TMEM154: variants seen among roughly 807,000 people sequenced by gnomAD.
TMEM154 encodes the protein transmembrane protein 154.
In TMEM154, 27 loss-of-function variants were observed where a neutral mutation model predicts 24.5. The ratio of observed to expected loss-of-function variants is 1.10; its 90% CI spans 0.81 to 1.52. The LOEUF is 1.52. Ranked by LOEUF, TMEM154 falls within the 40% of genes most tolerant of loss-of-function variation. The pLI is 0.00. For synonymous variants in TMEM154, 67 were observed against 76.8 expected (o/e 0.87, Z 0.67); for missense variants, 228 against 213.4 (o/e 1.07, Z -0.43).
intron 6 of TMEM154, among the ~76,000 whole-genome samples, chr4:152,628,908 G>C (rs1751978480): frequency 6.6e-6 from 1 of 151,662 alleles, no homozygotes; most frequent in South Asian, 2.1e-4. Context: ...ACCTCCCAAA[G>C]TGCTGGAATT....
intron 3 of TMEM154, among the ~76,000 whole-genome samples, chr4:152,652,096 A>G (rs926982371): frequency 1.3e-5 from 2 of 152,242 alleles, no homozygotes; most frequent in Non-Finnish European, 2.9e-5. Context: ...TACAACAGTA[A>G]TATCAAAGAT....
Position 152,652,671 on chromosome 4 carries a change from T to C in TMEM154, c.321A>G (p.Lys107=), listed in dbSNP as rs758994942. 1.2e-6 allele frequency: 2 copies of C among 1,613,400 alleles called. No individual in the cohort carries two copies. Among genetic ancestry groups the C allele is most frequent in the South Asian group, 1.1e-5 (1 of 90,926 alleles). The part of the protein sequence containing the change: ...LATYYKRKRT[K]QEPSSQGSQS... Reference sequence around the variant, plus strand: ...GGAAATACACCAAATATTTACCTTGTTTAGTTCTTTTTCTTTTATAGTATG... The same window carrying C: ...GGAAATACACCAAATATTTACCTTGCTTAGTTCTTTTTCTTTTATAGTATG... The change falls in exon 2 of 7, where the codon AAA becomes AAG. Residue 107 remains lysine, a synonymous_variant. Coordinates refer to ENST00000304385, the MANE Select transcript of TMEM154 (RefSeq NM_152680.3).
chr4:152,644,461 A>C lies in TMEM154; in HGVS notation c.365-19T>G. The stretch of plus-strand genomic sequence containing the variant: ...AGTTCATCTAAAAGGAAATGAACAT[A>C]AAGGTCATGTTAGCTTTGTTCTTCT... On this transcript the variant is annotated intron_variant, in intron 3 of 6. Coordinates refer to ENST00000304385, the MANE Select transcript of TMEM154 (RefSeq NM_152680.3). 6.2e-7 allele frequency: 1 copy of C among 1,613,692 alleles called. No homozygotes were observed. Among genetic ancestry groups the C allele is most frequent in the South Asian group, 1.1e-5 (1 of 91,074 alleles).
intron 1 of TMEM154, among the ~76,000 whole-genome samples, chr4:152,654,100 T>C (rs936030697): frequency 6.6e-6 from 1 of 152,018 alleles, no homozygotes; most frequent in Non-Finnish European, 1.5e-5. Flanking sequence ...GAGAAAGGAC[T>C]ACTGACTTGA....
chr4:152,663,559 A>T (rs1728658838), intron 1 of TMEM154, among the ~76,000 whole-genome samples: 1 of 152,252 alleles, frequency 6.6e-6, no homozygotes, highest in Non-Finnish European at 1.5e-5. Context: ...TAGCCTCATA[A>T]GCTGCAGATT....
intron 1 of TMEM154, 71 bp from the exon 2 acceptor site, chr4:152,652,998 T>C: frequency 2.1e-6 from 3 of 1,418,224 alleles, no homozygotes; most frequent in Non-Finnish European, 2.8e-6. Context: ...CAATGATTTT[T>C]AAATTATTCC....
At chr4:152,679,288 A>G (rs1334255968) in intron 1 of TMEM154, among the ~76,000 whole-genome samples, 1 of 152,046 alleles carries the variant, frequency 6.6e-6, no homozygotes, top group Non-Finnish European at 1.5e-5. Context: ...GTGCAATAAA[A>G]GTAGATGAAA....
intron 3 of TMEM154, among the ~76,000 whole-genome samples, chr4:152,648,252 G>A (rs1480290453): frequency 6.6e-6 from 1 of 152,220 alleles, no homozygotes; most frequent in Admixed American, 6.5e-5. Flanking sequence ...GGAGGCTGAG[G>A]TGGGAGGATC....
intron 6 of TMEM154, among the ~76,000 whole-genome samples, chr4:152,634,698 A>C (rs890964687): frequency 6.6e-6 from 1 of 152,296 alleles, no homozygotes; most frequent in African/African-American, 2.4e-5. Context: ...TGTTTTAATA[A>C]TATTATTTGA....
At chr4:152,674,804 G>C (rs1400365137) in intron 1 of TMEM154, among the ~76,000 whole-genome samples, 1 of 152,140 alleles carries the variant, frequency 6.6e-6, no homozygotes, top group Non-Finnish European at 1.5e-5. Context: ...GTTAAGTAGG[G>C]TGAGCCATCC....
intron 1 of TMEM154, among the ~76,000 whole-genome samples, chr4:152,663,652 C>G (rs139810085): frequency 1.3e-5 from 2 of 152,328 alleles, no homozygotes; most frequent in African/African-American, 4.8e-5. Context: ...AAGTCTCTCT[C>G]CGTTTCACCA....
chr4:152,669,087 C>T (rs1728778568), intron 1 of TMEM154: 1 of 151,946 alleles, frequency 6.6e-6, no homozygotes, highest in African/African-American at 2.4e-5. Flanking sequence ...TTTATTAATA[C>T]AAACTTATTA....
rs1728599874 is a variant in TMEM154, at chr4:152,661,295, TCTCTCTCTCTCTC to T, written c.65-8381_65-8369del. On this transcript the variant is annotated intron_variant, in intron 1 of 6. Coordinates refer to ENST00000304385, the MANE Select transcript of TMEM154 (RefSeq NM_152680.3). ...AGGGATTGTTCTCTTTCTCTCTCTC[TCTCTCTCTCTCTC>T]TCTCTCTCTCTCTCTCTCTCTCTCT... Among the ~76,000 whole-genome samples, 77 of 73,724 alleles carry T rather than the reference TCTCTCTCTCTCTC, an allele frequency of 1.0e-3. 1 individual carries two copies. The highest frequency in any genetic ancestry group is 4.2e-3 in the African/African-American group (76 of 18,256). 48.4% of individuals were successfully genotyped at this position (73,724 alleles called of 152,430 possible).
chr4:152,650,069 T>C (rs1355675130), intron 3 of TMEM154, among the ~76,000 whole-genome samples: 2 of 152,186 alleles, frequency 1.3e-5, no homozygotes, highest in East Asian at 3.8e-4. Flanking sequence ...TGCCTTGATG[T>C]TGATGGTTGC....
At chr4:152,672,510 G>A (rs1299126655) in intron 1 of TMEM154, among the ~76,000 whole-genome samples, 4 of 152,184 alleles carry the variant, frequency 2.6e-5, no homozygotes, top group African/African-American at 9.7e-5. Flanking sequence ...GGTCTTTTGG[G>A]TTTAGCTTTT....
At position 152,674,596 on chromosome 4, in the gene TMEM154, C is replaced by A. The variant is rs547523640; in HGVS notation, c.64+5274G>T. Among the ~76,000 whole-genome samples, 4 of 152,260 alleles carry A rather than the reference C, an allele frequency of 2.6e-5. No individual in the cohort carries two copies. The South Asian group carries it at 8.3e-4, about 32-fold the overall frequency. On this transcript the variant is annotated intron_variant, in intron 1 of 6. Transcript: ENST00000304385. ...CCTCCTGCAGCTCTTGGAAGCTGAC[C>A]TCTGATGCTTGCCACTTCCCATTCA...
chr4:152,628,587 AAAAAACAAAAAAAACAC>A, intron 6 of TMEM154, 26 bp from the exon 7 acceptor site: 6 of 1,048,308 alleles, frequency 5.7e-6, no homozygotes, highest in Non-Finnish European at 7.4e-6. Context: ...AAAAAAAAAA[AAAAAACAAAAAAAACAC>A]ACACACACAC....
At chr4:152,644,478 T>C (rs776337972) in intron 3 of TMEM154, 36 bp from the exon 4 acceptor site, 11 of 1,611,682 alleles carry the variant, frequency 6.8e-6, no homozygotes, top group Admixed American at 6.7e-5. Context: ...ATGTTAGCTT[T>C]GTTCTTCTGT....
intron 3 of TMEM154, among the ~76,000 whole-genome samples, chr4:152,646,196 T>C (rs1228297143): frequency 1.3e-5 from 2 of 152,108 alleles, no homozygotes; most frequent in Non-Finnish European, 2.9e-5. Context: ...GCCCCACCGT[T>C]GTGGGCATGG....
Sources: gnomAD v4.1 joint callset for allele counts (sites outside exome capture counted in the v4.1 genomes callset) on GRCh38, gnomAD v4.1.1 for gene constraint, MANE v1.5 for transcripts, NCBI Gene and HGNC (gene_info 2026-07-23, HGNC 2026-07-21) for gene names.